The following GAB2 variants were observed in gnomAD, a reference collection of about 807,000 sequenced individuals.
The protein encoded by GAB2 is GRB2-associated-binding protein 2.
In GAB2, 26 loss-of-function variants were observed where a neutral mutation model predicts 65.5. The ratio of observed to expected loss-of-function variants is 0.40; its 90% CI spans 0.29 to 0.55. The LOEUF (loss-of-function observed/expected upper bound fraction) is 0.55. Among genes scored for constraint, GAB2 ranks in the 20% least tolerant of loss-of-function variants. The pLI, the probability that GAB2 is intolerant of heterozygous loss-of-function variation, is 0.53. For synonymous variants in GAB2, 321 were observed against 329.6 expected (o/e 0.97, Z 0.28); for missense variants, 884 against 875.8 (o/e 1.01, Z -0.12).
chr11:78,313,123 C>G (rs1225200952), intron 1 of GAB2, among the ~76,000 whole-genome samples: 1 of 152,166 alleles, frequency 6.6e-6, no homozygotes, highest in African/African-American at 2.4e-5. Flanking sequence ...GTCACTTGCT[C>G]TGTTCATAAG....
chr11:78,374,193 C>T (rs557333687), intron 1 of GAB2, among the ~76,000 whole-genome samples: 2 of 152,234 alleles, frequency 1.3e-5, no homozygotes, highest in Non-Finnish European at 2.9e-5. Context: ...TTTTGTAATC[C>T]GAAAACACAC....
At chr11:78,302,631 G>T (rs1196576483) in intron 1 of GAB2, among the ~76,000 whole-genome samples, 2 of 152,100 alleles carry the variant, frequency 1.3e-5, no homozygotes, top group Non-Finnish European at 2.9e-5. Flanking sequence ...ATTCCTTGAA[G>T]AACTAAAAGT....
At chr11:78,316,845 T>C (rs117124075) in intron 1 of GAB2, among the ~76,000 whole-genome samples, 4,577 of 152,294 alleles carry the variant, frequency 0.03, 100 homozygotes, top group Middle Eastern at 0.061. Flanking sequence ...CCTATGTTCA[T>C]TGCAGCATTA....
chr11:78,269,893 T>C (rs1865968030), intron 2 of GAB2, among the ~76,000 whole-genome samples: 1 of 152,090 alleles, frequency 6.6e-6, no homozygotes, highest in African/African-American at 2.4e-5. Context: ...AAAACTAAAA[T>C]AGTAGAGAAG....
chr11:78,249,130 A>T (rs1256283576), intron 3 of GAB2, among the ~76,000 whole-genome samples: 3 of 152,212 alleles, frequency 2.0e-5, no homozygotes, highest in Non-Finnish European at 2.9e-5. Context: ...AGAGTACAGG[A>T]CCAGAAACAA....
intron 1 of GAB2, among the ~76,000 whole-genome samples, chr11:78,327,274 T>A (rs1260324727): frequency 6.6e-6 from 1 of 152,190 alleles, no homozygotes; most frequent in African/African-American, 2.4e-5. Flanking sequence ...ATCTTTGCAT[T>A]TTAATATGAA....
intron 1 of GAB2, among the ~76,000 whole-genome samples, chr11:78,335,431 A>T (rs1464151391): frequency 6.6e-6 from 1 of 152,218 alleles, no homozygotes; most frequent in East Asian, 1.9e-4. Context: ...GGTGAAAGAT[A>T]GGGATCTAGT....
intron 1 of GAB2, among the ~76,000 whole-genome samples, chr11:78,330,342 T>G (rs1257995700): frequency 6.6e-6 from 1 of 152,160 alleles, no homozygotes; most frequent in African/African-American, 2.4e-5. Context: ...TAAAGAAGTT[T>G]GAGTGACAAA....
intron 1 of GAB2, among the ~76,000 whole-genome samples, chr11:78,314,758 T>C (rs1172860986): frequency 6.6e-6 from 1 of 152,330 alleles, no homozygotes; most frequent in East Asian, 1.9e-4. Context: ...GGAATGGTTA[T>C]GCAAAGGAAC....
chr11:78,410,386 C>T (rs968103559), intron 1 of GAB2, among the ~76,000 whole-genome samples: 1 of 152,194 alleles, frequency 6.6e-6, no homozygotes, highest in African/African-American at 2.4e-5. Context: ...TGCCTGCAAT[C>T]CCAGCTGCTC....
At chr11:78,220,886 A>T (rs906743707) in intron 8 of GAB2, among the ~76,000 whole-genome samples, 3 of 152,134 alleles carry the variant, frequency 2.0e-5, no homozygotes, top group South Asian at 2.1e-4. Flanking sequence ...TATGCACTGG[A>T]AAGTTTTCTT....
At chr11:78,224,409 G>A (rs566578215) in intron 5 of GAB2, among the ~76,000 whole-genome samples, 4 of 152,192 alleles carry the variant, frequency 2.6e-5, no homozygotes, top group African/African-American at 9.6e-5. Flanking sequence ...GAGGTCTGGG[G>A]CCAGTTGTGT....
At chr11:78,256,003 T>G (rs1865586062) in intron 2 of GAB2, among the ~76,000 whole-genome samples, 1 of 152,200 alleles carries the variant, frequency 6.6e-6, no homozygotes, top group Non-Finnish European at 1.5e-5. Flanking sequence ...CCTCAGTTGC[T>G]TCATCTGTAA....
chr11:78,274,706 A>T (rs114564936), intron 2 of GAB2, among the ~76,000 whole-genome samples: 3,232 of 152,276 alleles, frequency 0.021, 98 homozygotes, highest in African/African-American at 0.073. Flanking sequence ...CTAAATTAGG[A>T]ATATTCTAGA....
rs1360643163 is a variant in GAB2 at position 78,215,460 on chromosome 11, G to A, written c.*3812C>T. On this transcript the variant is annotated 3_prime_UTR_variant, in exon 10 of 10. Coordinates refer to ENST00000361507, the MANE Select transcript of GAB2 (RefSeq NM_080491.3). ...TAAATATGTTACAATTTAAAAAAAAGAATACAACAGAATAAATTAATAACT... is the reference window on the plus strand; with the variant it reads ...TAAATATGTTACAATTTAAAAAAAAAAATACAACAGAATAAATTAATAACT... 2.6e-5 allele frequency: 4 copies of A among 151,394 alleles called. No individual in the cohort carries two copies. Among genetic ancestry groups the A allele is most frequent in the African/African-American group, 7.4e-5 (3 of 40,336 alleles). The allele number at this position is 151,394 out of a possible 1,614,324, so 9.4% of individuals were successfully genotyped here. A position where few individuals can be genotyped will look rare whatever the true frequency, so the allele number is the denominator to read the frequency against.
intron 1 of GAB2, among the ~76,000 whole-genome samples, chr11:78,301,625 A>G (rs1867022731): frequency 6.6e-6 from 1 of 152,172 alleles, no homozygotes; most frequent in South Asian, 2.1e-4. Context: ...GAGCCACCGT[A>G]CCCAGTCTTT....
intron 1 of GAB2, among the ~76,000 whole-genome samples, chr11:78,309,949 TGTGTGTGTG>T (rs1565153845): frequency 7.2e-6 from 1 of 139,080 alleles, no homozygotes; most frequent in Non-Finnish European, 1.5e-5. Flanking sequence ...TGTGTGTGTG[TGTGTGTGTG>T]TGTGTGTGTG....
intron 2 of GAB2, among the ~76,000 whole-genome samples, chr11:78,262,889 C>T (rs940287807): frequency 6.6e-6 from 1 of 152,232 alleles, no homozygotes; most frequent in Non-Finnish European, 1.5e-5. Flanking sequence ...CCATACATTA[C>T]ATCTGGTCTG....
intron 2 of GAB2, among the ~76,000 whole-genome samples, chr11:78,267,199 G>T (rs1346068424): frequency 6.6e-6 from 1 of 152,172 alleles, no homozygotes; most frequent in Non-Finnish European, 1.5e-5. Flanking sequence ...CAAGATCCCA[G>T]GGCTAACCAT....
Sources: gnomAD v4.1 joint callset for allele counts (sites outside exome capture counted in the v4.1 genomes callset) on GRCh38, gnomAD v4.1.1 for gene constraint, MANE v1.5 for transcripts, NCBI Gene and HGNC (gene_info 2026-07-23, HGNC 2026-07-21) for gene names.